Variants in DIP2C observed in about 807,000 individuals in gnomAD.
DIP2C encodes DIP2 acetate--CoA ligase C (putative).
A neutral mutation model predicts 192.4 loss-of-function variants in DIP2C; 33 were observed. That is an observed-to-expected ratio of 0.17 (90% CI 0.13 to 0.23). DIP2C has a LOEUF of 0.23. DIP2C is among the 10% of genes least tolerant of loss of function. The probability of loss-of-function intolerance (pLI) is 1.00; values close to 1 mark genes in which losing one functional copy is unlikely to be tolerated. For synonymous variants in DIP2C, 979 were observed against 864.1 expected (o/e 1.13, Z -2.33); for missense variants, 1,537 against 2,110.1 (o/e 0.73, Z 5.32).
At chr10:548,838 T>C (rs1447710216) in intron 1 of DIP2C, among the ~76,000 whole-genome samples, 1 of 141,312 alleles carries the variant, frequency 7.1e-6, no homozygotes, top group Non-Finnish European at 1.5e-5. Flanking sequence ...TTGTGTATGT[T>C]TAAAGCACGG....
intron 3 of DIP2C, among the ~76,000 whole-genome samples, chr10:446,456 G>A (rs749378534): frequency 1.3e-5 from 2 of 151,826 alleles, no homozygotes; most frequent in Non-Finnish European, 2.9e-5. Flanking sequence ...TTGCATGCTT[G>A]CAAAATTCAC....
chr10:354,970 G>A (rs753795658), intron 24 of DIP2C, among the ~76,000 whole-genome samples: 11 of 151,872 alleles, frequency 7.2e-5, no homozygotes, highest in Admixed American at 3.3e-4. Flanking sequence ...CGAACCTGGC[G>A]ATCGGGTTAG....
intron 3 of DIP2C, among the ~76,000 whole-genome samples, chr10:465,383 T>G (rs1338816445): frequency 1.3e-5 from 2 of 150,294 alleles, no homozygotes; most frequent in Admixed American, 1.3e-4. Flanking sequence ...TGATGGGACA[T>G]ATTTCAAAAT....
intron 18 of DIP2C, among the ~76,000 whole-genome samples, chr10:369,195 G>A (rs1390698889): frequency 2.0e-5 from 3 of 152,210 alleles, no homozygotes; most frequent in African/African-American, 7.2e-5. Context: ...GGAGGGAAGG[G>A]AAGCTGCCCA....
intron 1 of DIP2C, among the ~76,000 whole-genome samples, chr10:530,083 G>A (rs747369800): frequency 2.6e-5 from 4 of 152,240 alleles, no homozygotes; most frequent in Admixed American, 6.5e-5. Context: ...GAGTCTCCAC[G>A]CCTGCCGCCG....
chr10:648,212 G>T (rs1012185135), intron 1 of DIP2C, among the ~76,000 whole-genome samples: 1 of 151,566 alleles, frequency 6.6e-6, no homozygotes, highest in Non-Finnish European at 1.5e-5. Flanking sequence ...ATTGGACAGT[G>T]GGCGAGAACA....
At chr10:369,151 T>C (rs1358514506) in intron 18 of DIP2C, among the ~76,000 whole-genome samples, 24 of 152,220 alleles carry the variant, frequency 1.6e-4, no homozygotes, top group Admixed American at 1.6e-3. Flanking sequence ...CTCTGGCTAG[T>C]GCCTTAGGGT....
intron 7 of DIP2C, among the ~76,000 whole-genome samples, chr10:415,436 T>C (rs1965563049): frequency 6.6e-6 from 1 of 152,214 alleles, no homozygotes; most frequent in Non-Finnish European, 1.5e-5. Context: ...CCAGTTTTGC[T>C]GCCAGCGAAG....
chr10:684,555 T>C (rs1159149838), intron 1 of DIP2C, among the ~76,000 whole-genome samples: 1 of 152,236 alleles, frequency 6.6e-6, no homozygotes, highest in Non-Finnish European at 1.5e-5. Flanking sequence ...TCTTAGGCTC[T>C]GGAAGGTGGT....
At chr10:384,245 T>A in intron 15 of DIP2C, 99 bp from the exon 16 acceptor site, 43 of 764,258 alleles carry the variant, frequency 5.6e-5, no homozygotes, top group Non-Finnish European at 7.7e-5. Flanking sequence ...GGGTGAAGAA[T>A]CACTGGTCAC....
chr10:680,303 G>A (rs1056399439), intron 1 of DIP2C, among the ~76,000 whole-genome samples: 7 of 152,168 alleles, frequency 4.6e-5, no homozygotes, highest in African/African-American at 1.7e-4. Flanking sequence ...CCGCTCACAC[G>A]CACGGCCTGA....
At chr10:360,050 T>G (rs533086085) in intron 22 of DIP2C, among the ~76,000 whole-genome samples, 1 of 152,188 alleles carries the variant, frequency 6.6e-6, no homozygotes, top group Non-Finnish European at 1.5e-5. Flanking sequence ...GAATTCAGAC[T>G]GGGGTAGGGA....
intron 1 of DIP2C, among the ~76,000 whole-genome samples, chr10:522,807 G>A (rs753572594): frequency 4.6e-5 from 7 of 152,168 alleles, no homozygotes; most frequent in Non-Finnish European, 8.8e-5. Flanking sequence ...TTGTAGATAC[G>A]TTCTCCCCGT....
intron 24 of DIP2C, 21 bp from the exon 25 acceptor site, chr10:349,475 C>T (rs769921647): frequency 1.9e-6 from 3 of 1,590,442 alleles, no homozygotes; most frequent in Non-Finnish European, 2.6e-6. Context: ...ATCACAGGGA[C>T]AAGCACATAA....
intron 1 of DIP2C, among the ~76,000 whole-genome samples, chr10:570,979 GGCA>G (rs1253187569): frequency 5.3e-5 from 8 of 152,294 alleles, no homozygotes; most frequent in East Asian, 1.9e-4. Context: ...CCGGAGCCCC[GGCA>G]GCAAGAGCCC....
At chr10:385,695 C>T (rs907235779) in intron 14 of DIP2C, among the ~76,000 whole-genome samples, 2 of 152,164 alleles carry the variant, frequency 1.3e-5, no homozygotes, top group South Asian at 2.1e-4. Flanking sequence ...CCTACAGGGG[C>T]GGCAGCAACA....
chr10:318,293 T>C (rs555009430), intron 31 of DIP2C, among the ~76,000 whole-genome samples: 56 of 152,162 alleles, frequency 3.7e-4, no homozygotes, highest in Admixed American at 1.7e-3. Flanking sequence ...ATACCAGAAG[T>C]CCCTTCCCAG....
intron 17 of DIP2C, among the ~76,000 whole-genome samples, chr10:382,217 G>A (rs553259692): frequency 2.6e-5 from 4 of 152,198 alleles, no homozygotes; most frequent in African/African-American, 4.8e-5. Flanking sequence ...ACCAGAGACA[G>A]ACAATGAAAA....
chr10:625,688 C>T (rs996564515), intron 1 of DIP2C, among the ~76,000 whole-genome samples: 2 of 152,186 alleles, frequency 1.3e-5, no homozygotes, highest in Non-Finnish European at 2.9e-5. Flanking sequence ...GAAGCAGGAA[C>T]GAGCTCTTAA....
Sources: allele counts gnomAD v4.1 joint callset (sites outside exome capture counted in the v4.1 genomes callset), GRCh38; gene constraint gnomAD v4.1.1; transcripts MANE v1.5; gene names NCBI Gene and HGNC (gene_info 2026-07-23, HGNC 2026-07-21).